The following PRKCB variants were observed in gnomAD, a reference collection of about 807,000 sequenced individuals.
The protein encoded by PRKCB is protein kinase C beta type.
Under a neutral mutation model 81.5 loss-of-function variants are expected in PRKCB, and 13 were observed. The ratio of observed to expected loss-of-function variants is 0.16; its 90% CI spans 0.10 to 0.25. The LOEUF (loss-of-function observed/expected upper bound fraction) is 0.25. PRKCB is among the 10% of genes least tolerant of loss of function. The pLI is 1.00. For missense variants in PRKCB, 509 were observed against 875.7 expected (o/e 0.58, Z 5.29); for synonymous variants, 335 against 321.4 (o/e 1.04, Z -0.45).
chr16:23,929,789 T>G (rs926269414), intron 2 of PRKCB, among the ~76,000 whole-genome samples: 1 of 152,034 alleles, frequency 6.6e-6, no homozygotes, highest in Non-Finnish European at 1.5e-5. Context: ...TGATAAAACC[T>G]TAGGGAAAAG....
intron 5 of PRKCB, among the ~76,000 whole-genome samples, chr16:24,078,777 G>T (rs1049509001): frequency 1.3e-5 from 2 of 152,218 alleles, no homozygotes; most frequent in Admixed American, 1.3e-4. Flanking sequence ...TTGTGGGGTT[G>T]TGGTTGTGTG....
In PRKCB at chr16:24,214,657, G is replaced by A; in HGVS notation, c.1864-1G>A. 1 of 1,613,606 alleles carries A rather than the reference G, an allele frequency of 6.2e-7. No homozygotes were observed. The highest frequency in any genetic ancestry group is 8.5e-7 in the Non-Finnish European group (1 of 1,179,746). ...CAAGTTCTTTTCTTCCCCTCTCATAGTGTGGGCGAAATGCTGAAAACTTCG... is the reference window on the plus strand; with the variant it reads ...CAAGTTCTTTTCTTCCCCTCTCATAATGTGGGCGAAATGCTGAAAACTTCG... On this transcript the variant is annotated splice_acceptor_variant, in intron 16 of 16. Coordinates refer to ENST00000643927, the MANE Select transcript of PRKCB (RefSeq NM_002738.7). LOFTEE classifies it high-confidence loss of function.
In PRKCB at chr16:23,988,577, G is replaced by T. The variant is rs1131692056; in HGVS notation, c.275G>T (p.Gly92Val). ...TTCTCCTGCCCTGGCGCTGACAAGG[G>T]TCCAGCCTCCGATGTAAGTAATGGG... The part of the protein sequence containing the change: ...VTFSCPGADK[G>V]PASDDPRSKH... The change falls in exon 3 of 17, where the codon GGT becomes GTT. Residue 92 changes from glycine to valine, a missense_variant. Physicochemically the swap from Gly to Val is moderately radical, Grantham distance 109. This residue lies in a region of PRKCB where 184 missense variants were observed against 362.9 expected (regional missense o/e 0.51). Transcript: ENST00000643927. 6.2e-7 allele frequency: 1 copy of T among 1,613,950 alleles called. No individual in the cohort carries two copies.
At chr16:24,117,857 A>T (rs1966752448) in intron 8 of PRKCB, among the ~76,000 whole-genome samples, 2 of 152,314 alleles carry the variant, frequency 1.3e-5, no homozygotes, top group South Asian at 4.1e-4. Context: ...GAATTTCCCA[A>T]TCAAGGGACA....
intron 2 of PRKCB, among the ~76,000 whole-genome samples, chr16:23,956,206 C>T (rs1964347343): frequency 6.6e-6 from 1 of 152,098 alleles, no homozygotes; most frequent in Non-Finnish European, 1.5e-5. Flanking sequence ...ACTGCAACCT[C>T]CACCTCCAGG....
chr16:24,020,989 TTTC>T (rs1965356528), intron 3 of PRKCB, among the ~76,000 whole-genome samples: 1 of 122,066 alleles, frequency 8.2e-6, no homozygotes, highest in South Asian at 2.8e-4. Context: ...TCTTTCTTTC[TTTC>T]TTTCTTTCTT....
intron 3 of PRKCB, among the ~76,000 whole-genome samples, chr16:24,008,405 A>G (rs1385742617): frequency 6.6e-6 from 1 of 152,242 alleles, no homozygotes; most frequent in East Asian, 1.9e-4. Flanking sequence ...ATCTCTCCCA[A>G]ACAGGATCAA....
intron 5 of PRKCB, among the ~76,000 whole-genome samples, chr16:24,087,580 ACT>A (rs1303528785): frequency 2.6e-5 from 4 of 152,332 alleles, no homozygotes; most frequent in East Asian, 1.9e-4. Context: ...ACAAAGCAAG[ACT>A]CACAATATTG....
At chr16:24,150,681 A>G (rs1403957356) in intron 9 of PRKCB, among the ~76,000 whole-genome samples, 2 of 152,222 alleles carry the variant, frequency 1.3e-5, no homozygotes, top group Non-Finnish European at 2.9e-5. Context: ...AAGGGTCAGC[A>G]AACTATTGGA....
chr16:24,217,216 T>C lies in PRKCB; in HGVS notation c.*2400T>C, dbSNP rs1968242855. On this transcript the variant is annotated 3_prime_UTR_variant, in exon 17 of 17. Transcript: ENST00000643927. ...GTTATAAATACTGCACTCAACATTT[T>C]CCAAATTCTTGCCATTATTTTTCAA... The C allele has an allele frequency of 1.0e-6, 1 of 985,152 alleles. No individual in the cohort carries two copies. Among genetic ancestry groups the C allele is most frequent in the Non-Finnish European group, 1.2e-6 (1 of 829,882 alleles). The allele number at this position is 985,152 out of a possible 1,614,324, so 61.0% of individuals were successfully genotyped here.
intron 8 of PRKCB, among the ~76,000 whole-genome samples, chr16:24,119,964 T>TG (rs1331842265): frequency 3.0e-4 from 46 of 152,178 alleles, no homozygotes; most frequent in African/African-American, 1.1e-3. Flanking sequence ...ACAACTCAAA[T>TG]GCCTGTACAC....
intron 7 of PRKCB, among the ~76,000 whole-genome samples, chr16:24,097,955 T>C (rs1371067050): frequency 6.6e-6 from 1 of 152,194 alleles, no homozygotes; most frequent in East Asian, 1.9e-4. Flanking sequence ...TAATTGTTTC[T>C]TATCAGACTT....
At chr16:24,168,714 CTA>C (rs374077615) in intron 10 of PRKCB, among the ~76,000 whole-genome samples, 2,157 of 120,696 alleles carry the variant, frequency 0.018, 102 homozygotes, top group Non-Finnish European at 0.025. Context: ...CCATGCCTGG[CTA>C]TTTTTTTTTT....
chr16:23,893,721 A>G (rs917736572), intron 2 of PRKCB: 2 of 152,234 alleles, frequency 1.3e-5, no homozygotes, highest in Non-Finnish European at 2.9e-5. Context: ...TCTAGTGTAA[A>G]CATTTTACTG....
chr16:24,167,472 A>AT (rs1468959003), intron 10 of PRKCB, among the ~76,000 whole-genome samples: 1 of 152,018 alleles, frequency 6.6e-6, no homozygotes, highest in African/African-American at 2.4e-5. Context: ...AGACAGGAGG[A>AT]TTACTTGAGC....
chr16:23,980,559 T>C (rs1964683593), intron 2 of PRKCB, among the ~76,000 whole-genome samples: 1 of 152,192 alleles, frequency 6.6e-6, no homozygotes. Context: ...CTTCAGCTTA[T>C]AGGTAGTAAA....
At chr16:24,071,110 A>T (rs1966102132) in intron 5 of PRKCB, among the ~76,000 whole-genome samples, 1 of 152,094 alleles carries the variant, frequency 6.6e-6, no homozygotes, top group Admixed American at 6.5e-5. Context: ...TGATGTGAGG[A>T]TGTGAGTTAA....
At chr16:24,119,847 A>G (rs1966778560) in intron 8 of PRKCB, among the ~76,000 whole-genome samples, 1 of 152,116 alleles carries the variant, frequency 6.6e-6, no homozygotes, top group South Asian at 2.1e-4. Flanking sequence ...CATGTATACA[A>G]CTGCTTACTG....
intron 8 of PRKCB, among the ~76,000 whole-genome samples, chr16:24,117,076 T>A (rs198198): frequency 0.65 from 98,992 of 151,718 alleles, 33,709 homozygotes; most frequent in African/African-American, 0.86. Context: ...CTTGTTGATT[T>A]AAAAAAATGT....
Sources: gnomAD v4.1 joint callset for allele counts (sites outside exome capture counted in the v4.1 genomes callset) on GRCh38, gnomAD v4.1.1 for gene constraint, gnomAD v4.1.1 regional missense constraint, MANE v1.5 for transcripts, NCBI Gene and HGNC (gene_info 2026-07-23, HGNC 2026-07-21) for gene names.